WTAP: variants seen among roughly 807,000 people sequenced by gnomAD.
WTAP encodes WT1 associated protein.
Under a neutral mutation model 50.0 loss-of-function variants are expected in WTAP, and 8 were observed. The ratio of observed to expected loss-of-function variants is 0.16; its 90% CI spans 0.09 to 0.29. The LOEUF is 0.29. Among genes scored for constraint, WTAP ranks in the 10% least tolerant of loss-of-function variants. WTAP has a pLI of 1.00. For missense variants in WTAP, 295 were observed against 470.7 expected, an observed-to-expected ratio of 0.63 and a Z score of 3.45; for synonymous variants, 194 against 169.0, an observed-to-expected ratio of 1.15 and a Z score of -1.15.
chr6:159,734,210 T>TACCACATTGCCCGGGCTCGGTTCAAA (rs1554263415), intron 1 of WTAP, among the ~76,000 whole-genome samples: 138 of 152,066 alleles, frequency 9.1e-4, no homozygotes, highest in African/African-American at 3.0e-3. Flanking sequence ...GACAGGGTCT[T>TACCACATTGCCCGGGCTCGGTTCAAA]ACCACATTGC....
chr6:159,733,255 A>G (rs1049138042), intron 1 of WTAP, among the ~76,000 whole-genome samples: 11 of 152,214 alleles, frequency 7.2e-5, no homozygotes, highest in African/African-American at 2.2e-4. Context: ...AGTGAAACAG[A>G]CTGTATACAA....
At chr6:159,734,357 CAG>C (rs1778774610) in intron 1 of WTAP, among the ~76,000 whole-genome samples, 1 of 132,296 alleles carries the variant, frequency 7.6e-6, no homozygotes, top group African/African-American at 2.9e-5. Context: ...AGCCTGGCAA[CAG>C]AGTGAGACTC....
intron 5 of WTAP, among the ~76,000 whole-genome samples, chr6:159,745,644 A>G (rs61327158): frequency 0.043 from 6,539 of 152,208 alleles, 234 homozygotes; most frequent in African/African-American, 0.082. Context: ...AATCTTGGGT[A>G]TTCTAGAAGA....
At chr6:159,750,490 T>G (rs1779778561) in intron 6 of WTAP, among the ~76,000 whole-genome samples, 1 of 152,238 alleles carries the variant, frequency 6.6e-6, no homozygotes, top group Non-Finnish European at 1.5e-5. Context: ...CCTCATTCTC[T>G]TCTCCAAGAG....
chr6:159,730,362 G>T (rs75179167), intron 1 of WTAP, among the ~76,000 whole-genome samples: 2,871 of 152,180 alleles, frequency 0.019, 105 homozygotes, highest in African/African-American at 0.065. Context: ...AGAATAGATT[G>T]TTCTGAGAAC....
intron 6 of WTAP, chr6:159,749,358 C>A: frequency 1.0e-6 from 1 of 984,704 alleles, no homozygotes; most frequent in Non-Finnish European, 1.2e-6. Context: ...GGAATGTGTT[C>A]CTTCATTGTA....
Position 159,748,924 on chromosome 6 carries a change from A to T in WTAP, c.452+555A>T, listed in dbSNP as rs1377715779. 2 of 1,150,622 alleles carry T rather than the reference A, an allele frequency of 1.7e-6. No individual in the cohort carries two copies. The highest frequency in any genetic ancestry group is 8.3e-5 in the East Asian group (2 of 24,202). The allele number at this position is 1,150,622 out of a possible 1,614,324, so 71.3% of individuals were successfully genotyped here. A position where few individuals can be genotyped will look rare whatever the true frequency, so the allele number is the denominator to read the frequency against. On this transcript the variant is annotated intron_variant, in intron 6 of 7. Coordinates refer to ENST00000621533, the MANE Select transcript of WTAP (RefSeq NM_001270531.2). This position sits in a 1 kb window ranked among gnomAD's most constrained non-coding sequence, Gnocchi z 5.6. Reference sequence around the variant, plus strand: ...ATTGTTGTTGAACTTCTGGGTCAAAACTCAAATGAGGTGAATTTTGCCTTT... The same window carrying T: ...ATTGTTGTTGAACTTCTGGGTCAAATCTCAAATGAGGTGAATTTTGCCTTT...
intron 1 of WTAP, among the ~76,000 whole-genome samples, chr6:159,732,817 G>T (rs557839275): frequency 1.3e-5 from 2 of 151,882 alleles, no homozygotes; most frequent in African/African-American, 4.8e-5. Flanking sequence ...GAGACCGGGC[G>T]CAGGGGGAGG....
intron 1 of WTAP, 72 bp downstream of exon 1, chr6:159,727,775 C>G: frequency 2.1e-6 from 2 of 965,886 alleles, no homozygotes; most frequent in Non-Finnish European, 2.5e-6. Flanking sequence ...CGCAGCCGCC[C>G]CCGGCGGGTA....
At chr6:159,739,407 C>T (rs1779108479) in intron 3 of WTAP, among the ~76,000 whole-genome samples, 1 of 152,146 alleles carries the variant, frequency 6.6e-6, no homozygotes, top group African/African-American at 2.4e-5. Context: ...GTGTGACCTT[C>T]ACCAGCTCAT....
At chr6:159,752,018 A>G (rs1216081290) in intron 6 of WTAP, among the ~76,000 whole-genome samples, 1 of 151,276 alleles carries the variant, frequency 6.6e-6, no homozygotes, top group Non-Finnish European at 1.5e-5. Flanking sequence ...AGCTGAGATC[A>G]CGCCACTGCA....
intron 2 of WTAP, 141 bp downstream of exon 2, chr6:159,736,436 C>A: frequency 1.5e-6 from 1 of 688,478 alleles, no homozygotes; most frequent in South Asian, 1.8e-5. Context: ...ACAATAATAG[C>A]ATTGGAGTTG....
At chr6:159,747,846 T>G (rs1779665110) in intron 5 of WTAP, among the ~76,000 whole-genome samples, 1 of 152,148 alleles carries the variant, frequency 6.6e-6, no homozygotes, top group Non-Finnish European at 1.5e-5. Context: ...GTCCCAGATT[T>G]GGAGATGTAA....
upstream of WTAP, chr6:159,727,054 C>T (rs753148989): frequency 2.5e-6 from 3 of 1,217,500 alleles, no homozygotes; most frequent in Non-Finnish European, 3.1e-6. Flanking sequence ...GTACTTCCAC[C>T]TTCCCTTCCC....
At chr6:159,727,039 G>T, upstream of WTAP, 5 of 1,226,608 alleles carry the variant, frequency 4.1e-6, no homozygotes, top group Non-Finnish European at 5.2e-6. Flanking sequence ...AGGTGGCCCC[G>T]GCGAGTACTT....
intron 1 of WTAP, among the ~76,000 whole-genome samples, chr6:159,728,280 A>G (rs902997042): frequency 6.6e-6 from 1 of 151,940 alleles, no homozygotes; most frequent in African/African-American, 2.4e-5. Context: ...TTTTTTTTTC[A>G]CCGTTTTTCA....
chr6:159,751,666 T>C (rs1229330503), intron 6 of WTAP, among the ~76,000 whole-genome samples: 1 of 152,234 alleles, frequency 6.6e-6, no homozygotes, highest in African/African-American at 2.4e-5. Context: ...CTGGTGGCTT[T>C]CACCCTCGGG....
chr6:159,749,208 A>G (rs1235284804), intron 6 of WTAP: 15 of 985,764 alleles, frequency 1.5e-5, no homozygotes, highest in Non-Finnish European at 1.4e-5. Context: ...CATTATAAAC[A>G]TTCATTTCAC....
chr6:159,750,541 A>G (rs1337191788), intron 6 of WTAP, among the ~76,000 whole-genome samples: 4 of 152,212 alleles, frequency 2.6e-5, no homozygotes, highest in Admixed American at 1.3e-4. Context: ...CATCAAGATA[A>G]TTTCTATGCA....
Sources: gnomAD v4.1 joint callset for allele counts (sites outside exome capture counted in the v4.1 genomes callset) on GRCh38, gnomAD v4.1.1 for gene constraint, Gnocchi (gnomAD v3.1) non-coding constraint, MANE v1.5 for transcripts, NCBI Gene and HGNC (gene_info 2026-07-23, HGNC 2026-07-21) for gene names.